The following GNA14 variants were observed in gnomAD, a reference collection of about 807,000 sequenced individuals.
GNA14 encodes the protein guanine nucleotide-binding protein subunit alpha-14.
A neutral mutation model predicts 42.0 loss-of-function variants in GNA14; 50 were observed. The ratio of observed to expected loss-of-function variants is 1.19; its 90% CI spans 0.95 to 1.51. The LOEUF is 1.51. Among genes scored for constraint, GNA14 ranks in the 40% most tolerant of loss-of-function variants. GNA14 has a pLI of 0.00. For synonymous variants in GNA14, 173 were observed against 163.1 expected (o/e 1.06, Z -0.46); for missense variants, 473 against 446.2 (o/e 1.06, Z -0.54).
intron 2 of GNA14, among the ~76,000 whole-genome samples, chr9:77,521,583 A>G (rs986121677): frequency 5.9e-5 from 9 of 152,114 alleles, no homozygotes; most frequent in African/African-American, 2.2e-4. Context: ...TGGAAAGTGG[A>G]GCTGGAGGAG....
At chr9:77,444,975 G>A (rs542348878) in intron 2 of GNA14, among the ~76,000 whole-genome samples, 39 of 152,238 alleles carry the variant, frequency 2.6e-4, no homozygotes, top group African/African-American at 9.4e-4. Context: ...CTAACCTTGA[G>A]GATTTCAGAA....
intron 1 of GNA14, among the ~76,000 whole-genome samples, chr9:77,609,483 C>T (rs1823695622): frequency 6.6e-6 from 1 of 152,204 alleles, no homozygotes; most frequent in African/African-American, 2.4e-5. Context: ...CCATGCTCTA[C>T]CCATTATCCA....
rs79279229 is a variant in GNA14, at chr9:77,569,087, G to A, written c.125-39834C>T. On this transcript the variant is annotated intron_variant, in intron 1 of 6. Transcript: ENST00000341700. ...TCCCATATGTGCCTTCTCTTATTCTGTTAAAGAGCTCCGCCACCCCAGATG... is the reference window on the plus strand; with the variant it reads ...TCCCATATGTGCCTTCTCTTATTCTATTAAAGAGCTCCGCCACCCCAGATG... Among the ~76,000 whole-genome samples, 4 of 151,514 alleles carry A rather than the reference G, an allele frequency of 2.6e-5. No homozygotes were observed. In the East Asian group the frequency reaches 7.8e-4, roughly 29 times the overall value.
chr9:77,437,381 C>A (rs2131694378), intron 2 of GNA14, among the ~76,000 whole-genome samples: 1 of 152,190 alleles, frequency 6.6e-6, no homozygotes, highest in Non-Finnish European at 1.5e-5. Flanking sequence ...CCTGTCTCTA[C>A]CAAAAACATT....
At chr9:77,643,756 A>G (rs1824307587) in intron 1 of GNA14, among the ~76,000 whole-genome samples, 1 of 152,252 alleles carries the variant, frequency 6.6e-6, no homozygotes, top group African/African-American at 2.4e-5. Flanking sequence ...AACTCAAAGT[A>G]AAACATTTCT....
intron 1 of GNA14, among the ~76,000 whole-genome samples, chr9:77,630,776 C>G (rs1281573974): frequency 2.0e-5 from 3 of 152,146 alleles, no homozygotes; most frequent in Admixed American, 6.5e-5. Flanking sequence ...CTACAAATGT[C>G]TCTTTGCACA....
intron 1 of GNA14, among the ~76,000 whole-genome samples, chr9:77,554,287 A>T (rs879942329): frequency 6.6e-6 from 1 of 152,250 alleles, no homozygotes; most frequent in Admixed American, 6.5e-5. Context: ...AGTTGGAATT[A>T]TAGTCACCAA....
chr9:77,429,768 G>T (rs2148880), intron 4 of GNA14, among the ~76,000 whole-genome samples: 2 of 152,052 alleles, frequency 1.3e-5, no homozygotes, highest in Non-Finnish European at 2.9e-5. Context: ...AGAACAAGAC[G>T]CAGGCTTGCC....
intron 1 of GNA14, among the ~76,000 whole-genome samples, chr9:77,611,445 C>T (rs950941264): frequency 6.6e-6 from 1 of 152,172 alleles, no homozygotes; most frequent in South Asian, 2.1e-4. Context: ...CTGTCCTTTA[C>T]TCTGGAGAAA....
At chr9:77,447,884 G>A (rs949543610) in intron 2 of GNA14, among the ~76,000 whole-genome samples, 1 of 152,230 alleles carries the variant, frequency 6.6e-6, no homozygotes, top group African/African-American at 2.4e-5. Context: ...GCTGGGAAAT[G>A]TGGTTTTCCC....
chr9:77,623,764 C>A (rs137923507), intron 1 of GNA14, among the ~76,000 whole-genome samples: 3 of 152,192 alleles, frequency 2.0e-5, no homozygotes, highest in Non-Finnish European at 2.9e-5. Context: ...CGACGGTCTT[C>A]GGAACCCGCA....
At chr9:77,580,372 G>C (rs1270765986) in intron 1 of GNA14, 1 of 320,366 alleles carries the variant, frequency 3.1e-6, no homozygotes, top group East Asian at 7.3e-5. Flanking sequence ...AGGTGGGAAG[G>C]ACAGCAATGA....
intron 2 of GNA14, among the ~76,000 whole-genome samples, chr9:77,497,089 C>T (rs1210163635): frequency 6.6e-6 from 1 of 152,134 alleles, no homozygotes; most frequent in African/African-American, 2.4e-5. Context: ...TTCTCACTCC[C>T]CTCCACGGCA....
chr9:77,564,296 TAAAAAAAAA>T (rs71358612), intron 1 of GNA14, among the ~76,000 whole-genome samples: 2 of 134,800 alleles, frequency 1.5e-5, no homozygotes, highest in Non-Finnish European at 3.2e-5. Context: ...CAGCACAATT[TAAAAAAAAA>T]AAAAAAAAAC....
chr9:77,617,878 C>G (rs1169987112), intron 1 of GNA14, among the ~76,000 whole-genome samples: 6 of 152,036 alleles, frequency 3.9e-5, no homozygotes, highest in Admixed American at 3.9e-4. Context: ...CCAGTCTCCC[C>G]TCCATTGTCA....
intron 2 of GNA14, among the ~76,000 whole-genome samples, chr9:77,494,771 TTTTTGTTTTGTTTTGTTTTG>T (rs143044675): frequency 9.1e-4 from 136 of 150,064 alleles, no homozygotes; most frequent in African/African-American, 2.8e-3. Context: ...AGTTGTGGGG[TTTTTGTTTTGTTTTGTTTTG>T]TTTTGTTTTG....
chr9:77,519,657 G>A (rs1032787830), intron 2 of GNA14, among the ~76,000 whole-genome samples: 1 of 152,140 alleles, frequency 6.6e-6, no homozygotes, highest in Non-Finnish European at 1.5e-5. Context: ...TAGGGTGGGA[G>A]GTGGTGAGGG....
At chr9:77,489,104 A>G (rs1041983825) in intron 2 of GNA14, among the ~76,000 whole-genome samples, 1 of 152,170 alleles carries the variant, frequency 6.6e-6, no homozygotes, top group Admixed American at 6.5e-5. Flanking sequence ...CAATCAAATC[A>G]TGGAACTGAG....
chr9:77,469,371 A>G (rs1475531526), intron 2 of GNA14, among the ~76,000 whole-genome samples: 1 of 150,310 alleles, frequency 6.7e-6, no homozygotes, highest in Non-Finnish European at 1.5e-5. Context: ...GTGTTAAAAA[A>G]AAAAAAAAAA....
Sources: gnomAD v4.1 joint callset for allele counts (sites outside exome capture counted in the v4.1 genomes callset) on GRCh38, gnomAD v4.1.1 for gene constraint, MANE v1.5 for transcripts, NCBI Gene and HGNC (gene_info 2026-07-23, HGNC 2026-07-21) for gene names.